MAST4: variants seen among roughly 807,000 people sequenced by gnomAD.
The protein encoded by MAST4 is microtubule associated serine/threonine kinase family member 4.
In MAST4, 89 loss-of-function variants were observed where a neutral mutation model predicts 162.7. The observed-to-expected ratio is 0.55, with a 90% CI of 0.46 to 0.65. The LOEUF is 0.65. MAST4 is among the 30% of genes least tolerant of loss of function. The probability of loss-of-function intolerance (pLI) is 0.00; values close to 1 mark genes in which losing one functional copy is unlikely to be tolerated. For synonymous variants in MAST4, 1,479 were observed against 1,361.1 expected (o/e 1.09, Z -1.91); for missense variants, 3,153 against 3,374.0 (o/e 0.93, Z 1.62).
chr5:66,699,767 G>T (rs575710277), intron 1 of MAST4, among the ~76,000 whole-genome samples: 2 of 151,914 alleles, frequency 1.3e-5, no homozygotes, highest in Non-Finnish European at 1.5e-5. Flanking sequence ...TTGGTGGGGC[G>T]GGGGGGAAGG....
intron 1 of MAST4, among the ~76,000 whole-genome samples, chr5:66,653,159 A>G (rs1746335651): frequency 6.6e-6 from 1 of 152,180 alleles, no homozygotes; most frequent in African/African-American, 2.4e-5. Flanking sequence ...TAATAGCACT[A>G]TGTTGTCTCA....
chr5:66,809,651 T>C (rs1756380843), intron 3 of MAST4, among the ~76,000 whole-genome samples: 1 of 152,204 alleles, frequency 6.6e-6, no homozygotes, highest in Admixed American at 6.5e-5. Context: ...AAAAAATGAT[T>C]CCTTTATCTC....
intron 11 of MAST4, among the ~76,000 whole-genome samples, chr5:67,113,611 G>A (rs1766524994): frequency 6.6e-6 from 1 of 151,980 alleles, no homozygotes; most frequent in Admixed American, 6.6e-5. Context: ...TCTTTCTAAT[G>A]TTTTTGGATA....
At chr5:67,155,762 AC>A (rs1462367901) in intron 26 of MAST4, among the ~76,000 whole-genome samples, 2 of 152,142 alleles carry the variant, frequency 1.3e-5, no homozygotes, top group Admixed American at 1.3e-4. Context: ...CAAGGGCCAA[AC>A]AAAAATGACA....
At chr5:66,787,559 C>T (rs756518966) in intron 2 of MAST4, among the ~76,000 whole-genome samples, 10 of 152,126 alleles carry the variant, frequency 6.6e-5, no homozygotes, top group African/African-American at 2.2e-4. Flanking sequence ...ACACTGCAAT[C>T]GTTATTAACC....
intron 5 of MAST4, among the ~76,000 whole-genome samples, chr5:67,088,506 T>A (rs1210846654): frequency 6.6e-6 from 1 of 152,216 alleles, no homozygotes; most frequent in African/African-American, 2.4e-5. Context: ...TTTTTAGCCA[T>A]CTTGAAATTT....
intron 3 of MAST4, among the ~76,000 whole-genome samples, chr5:66,827,874 C>T (rs985890340): frequency 2.0e-5 from 3 of 152,102 alleles, no homozygotes; most frequent in Admixed American, 6.5e-5. Context: ...TTGGTAGTGT[C>T]GTATGTTGTT....
intron 1 of MAST4, among the ~76,000 whole-genome samples, chr5:66,679,121 C>T (rs1748156213): frequency 6.6e-6 from 1 of 152,048 alleles, no homozygotes. Flanking sequence ...TCAATTATAC[C>T]TTAATAAAGC....
intron 3 of MAST4, among the ~76,000 whole-genome samples, chr5:66,809,183 C>T (rs1032290476): frequency 3.3e-5 from 5 of 152,190 alleles, no homozygotes; most frequent in Non-Finnish European, 7.3e-5. Context: ...ATGTGGTGTT[C>T]AGACAGTTGG....
At chr5:67,057,272 G>A (rs993481893) in intron 5 of MAST4, among the ~76,000 whole-genome samples, 4 of 152,018 alleles carry the variant, frequency 2.6e-5, no homozygotes, top group African/African-American at 9.7e-5. Context: ...AGTGTCAGGC[G>A]AGGTTTTCTA....
At chr5:66,628,916 C>T (rs1744620779) in intron 1 of MAST4, among the ~76,000 whole-genome samples, 1 of 152,130 alleles carries the variant, frequency 6.6e-6, no homozygotes, top group Non-Finnish European at 1.5e-5. Context: ...AGCAATGTCC[C>T]TGCAATAGAT....
chr5:66,758,340 A>C (rs1324628269), intron 1 of MAST4, among the ~76,000 whole-genome samples: 1 of 151,786 alleles, frequency 6.6e-6, no homozygotes, highest in African/African-American at 2.4e-5. Flanking sequence ...AACAGGATCA[A>C]ATTTCCTTTT....
chr5:66,873,263 G>A (rs1761069967), intron 3 of MAST4, among the ~76,000 whole-genome samples: 1 of 152,214 alleles, frequency 6.6e-6, no homozygotes, highest in South Asian at 2.1e-4. Context: ...GAAGCCATAG[G>A]AGAAGCCACG....
chr5:66,901,436 T>C (rs1763006339), intron 4 of MAST4, among the ~76,000 whole-genome samples: 1 of 152,134 alleles, frequency 6.6e-6, no homozygotes, highest in Non-Finnish European at 1.5e-5. Flanking sequence ...GTCAATTCTG[T>C]TAATGTTAGC....
At chr5:66,837,576 C>A (rs1237028718) in intron 3 of MAST4, among the ~76,000 whole-genome samples, 1 of 151,938 alleles carries the variant, frequency 6.6e-6, no homozygotes, top group Non-Finnish European at 1.5e-5. Flanking sequence ...TGGTGCATGT[C>A]TCTAACCCTT....
chr5:66,897,886 A>G (rs464731), intron 3 of MAST4, among the ~76,000 whole-genome samples: 1 of 152,000 alleles, frequency 6.6e-6, no homozygotes, highest in Non-Finnish European at 1.5e-5. Context: ...TCTCAGAGCA[A>G]AGCAGCCAGT....
chr5:66,743,341 T>C (rs1441117630), intron 1 of MAST4, among the ~76,000 whole-genome samples: 3 of 152,212 alleles, frequency 2.0e-5, no homozygotes, highest in African/African-American at 7.2e-5. Flanking sequence ...GGCTCGTCTC[T>C]TGGGGACTGG....
At chr5:66,732,490 C>T (rs945452100) in intron 1 of MAST4, among the ~76,000 whole-genome samples, 6 of 152,216 alleles carry the variant, frequency 3.9e-5, no homozygotes, top group African/African-American at 1.4e-4. Context: ...GTTCCTCTAG[C>T]ACTTTGGACA....
chr5:67,149,075 A>T (rs142765521), intron 23 of MAST4, among the ~76,000 whole-genome samples: 1 of 152,300 alleles, frequency 6.6e-6, no homozygotes, highest in African/African-American at 2.4e-5. Flanking sequence ...TATCTCTGCA[A>T]GGTTTCAAAA....
Sources: allele counts gnomAD v4.1 joint callset (sites outside exome capture counted in the v4.1 genomes callset), GRCh38; gene constraint gnomAD v4.1.1; transcripts MANE v1.5; gene names NCBI Gene and HGNC (gene_info 2026-07-23, HGNC 2026-07-21).